The following AGBL4 variants were observed in gnomAD, a reference collection of about 807,000 sequenced individuals.
AGBL4 encodes cytosolic carboxypeptidase 6.
Under a neutral mutation model 66.4 loss-of-function variants are expected in AGBL4, and 58 were observed. The observed-to-expected ratio is 0.87, with a 90% CI of 0.71 to 1.09. The LOEUF (loss-of-function observed/expected upper bound fraction) is 1.09. Among genes scored for constraint, AGBL4 ranks in the 50% least tolerant of loss-of-function variants. The pLI, the probability that AGBL4 is intolerant of heterozygous loss-of-function variation, is 0.00. For missense variants in AGBL4, 579 were observed against 631.0 expected, an observed-to-expected ratio of 0.92 and a Z score of 0.88; for synonymous variants, 234 against 222.9, an observed-to-expected ratio of 1.05 and a Z score of -0.44.
At chr1:48,770,650 C>T (rs147441086) in intron 6 of AGBL4, among the ~76,000 whole-genome samples, 2 of 152,284 alleles carry the variant, frequency 1.3e-5, no homozygotes, top group Non-Finnish European at 2.9e-5. Flanking sequence ...GACATATCCA[C>T]CCAGATGTTC....
intron 3 of AGBL4, among the ~76,000 whole-genome samples, chr1:49,679,213 CT>C (rs1339561420): frequency 1.4e-4 from 21 of 152,222 alleles, no homozygotes; most frequent in South Asian, 6.2e-4. Context: ...TACTTTTCAG[CT>C]TTGTTGTTTG....
intron 3 of AGBL4, among the ~76,000 whole-genome samples, chr1:49,468,526 C>T (rs1476781051): frequency 1.3e-5 from 2 of 151,792 alleles, no homozygotes; most frequent in East Asian, 3.9e-4. Flanking sequence ...GATAATTTGC[C>T]TCATGTCAGT....
At chr1:49,350,462 C>A (rs1012179285) in intron 3 of AGBL4, among the ~76,000 whole-genome samples, 1 of 152,160 alleles carries the variant, frequency 6.6e-6, no homozygotes, top group Non-Finnish European at 1.5e-5. Flanking sequence ...CTCGGCCTCC[C>A]AAAGTGCTGG....
chr1:49,552,197 C>T (rs1653012146), intron 3 of AGBL4, among the ~76,000 whole-genome samples: 1 of 152,126 alleles, frequency 6.6e-6, no homozygotes, highest in Non-Finnish European at 1.5e-5. Context: ...AGTGGGTGAG[C>T]CAGGCTTGAG....
chr1:49,827,396 T>TA (rs879883522), intron 2 of AGBL4, among the ~76,000 whole-genome samples: 1 of 152,086 alleles, frequency 6.6e-6, no homozygotes, highest in Non-Finnish European at 1.5e-5. Context: ...TTTTTGAAAT[T>TA]AAAAAAAAGT....
chr1:48,715,778 A>G (rs534803401), intron 6 of AGBL4, among the ~76,000 whole-genome samples: 49 of 152,326 alleles, frequency 3.2e-4, no homozygotes, highest in African/African-American at 1.0e-3. Flanking sequence ...TGGCCACATG[A>G]CGAAATAAAT....
chr1:49,766,760 C>T (rs1652760654), intron 2 of AGBL4, among the ~76,000 whole-genome samples: 1 of 151,460 alleles, frequency 6.6e-6, no homozygotes, highest in Non-Finnish European at 1.5e-5. Context: ...AAATAGAAAA[C>T]ATAAAAGAAC....
chr1:49,875,869 T>G lies in AGBL4; in HGVS notation c.35-24351A>C, dbSNP rs1646987802. ...CCATTCTAACTGGTGTGAGATGATATCTCATTGCGGTTTTGATTTGCATTT... is the reference window on the plus strand; with the variant it reads ...CCATTCTAACTGGTGTGAGATGATAGCTCATTGCGGTTTTGATTTGCATTT... On this transcript the variant is annotated intron_variant, in intron 1 of 13. Transcript: ENST00000371839. 1.3e-5 allele frequency among the ~76,000 whole-genome samples: 2 copies of G among 149,730 alleles called. 1 individual carries two copies. The highest frequency in any genetic ancestry group is 6.8e-3 in the Middle Eastern group (2 of 292).
At position 49,731,268 on chromosome 1, in the gene AGBL4, G is replaced by A. The variant is rs144141822; in HGVS notation, c.158-33831C>T. Among the ~76,000 whole-genome samples the A allele has an allele frequency of 5.7e-3, 871 of 152,128 alleles. 5 individuals are homozygous for A. Among genetic ancestry groups the A allele is most frequent in the Non-Finnish European group, 8.7e-3 (590 of 68,000 alleles). ...CAACCCCAGTATGGCAAATAGTTCT[G>A]TATTATTAGCAGCCTAAGAATTACT... On this transcript the variant is annotated intron_variant, in intron 2 of 13. Coordinates refer to ENST00000371839, the MANE Select transcript of AGBL4 (RefSeq NM_032785.4).
At chr1:49,890,437 C>G (rs1165648546) in intron 1 of AGBL4, among the ~76,000 whole-genome samples, 1 of 151,984 alleles carries the variant, frequency 6.6e-6, no homozygotes, top group Middle Eastern at 3.2e-3. Flanking sequence ...AGACATTGTT[C>G]TACGCATTTG....
At chr1:48,576,806 A>C (rs1051942944) in intron 11 of AGBL4, among the ~76,000 whole-genome samples, 1 of 152,210 alleles carries the variant, frequency 6.6e-6, no homozygotes, top group African/African-American at 2.4e-5. Flanking sequence ...TGCAGCCAAA[A>C]TCAGCTTCAA....
intron 3 of AGBL4, among the ~76,000 whole-genome samples, chr1:49,672,921 CAAAAAAAA>C (rs60612868): frequency 6.4e-5 from 3 of 47,058 alleles, no homozygotes; most frequent in African/African-American, 1.9e-4. Flanking sequence ...AACTCCATCT[CAAAAAAAA>C]AAAAAAAAAA....
chr1:48,983,069 T>A (rs1659907991), intron 5 of AGBL4, among the ~76,000 whole-genome samples: 1 of 152,286 alleles, frequency 6.6e-6, no homozygotes, highest in African/African-American at 2.4e-5. Flanking sequence ...TATGATCAGT[T>A]GTACAGATGT....
intron 8 of AGBL4, among the ~76,000 whole-genome samples, chr1:48,648,556 C>T (rs1645876276): frequency 6.6e-6 from 1 of 152,160 alleles, no homozygotes; most frequent in Admixed American, 6.5e-5. Flanking sequence ...ACCCTCAGTT[C>T]TCCACTTCTG....
At chr1:48,943,420 G>A (rs2148918067) in intron 5 of AGBL4, among the ~76,000 whole-genome samples, 2 of 152,290 alleles carry the variant, frequency 1.3e-5, no homozygotes, top group Admixed American at 1.3e-4. Flanking sequence ...ACATACAAAG[G>A]TTGAGATCTT....
chr1:48,610,244 G>C (rs1645216229), intron 9 of AGBL4, among the ~76,000 whole-genome samples: 1 of 152,224 alleles, frequency 6.6e-6, no homozygotes, highest in Admixed American at 6.5e-5. Flanking sequence ...TGAGCTGCCT[G>C]AGGATGGAAG....
At chr1:49,564,942 A>G (rs1488265521) in intron 3 of AGBL4, among the ~76,000 whole-genome samples, 1 of 152,146 alleles carries the variant, frequency 6.6e-6, no homozygotes, top group African/African-American at 2.4e-5. Context: ...GTGGGAGTCT[A>G]AGTCTCTTTG....
At chr1:48,768,247 A>G (rs1644629820) in intron 6 of AGBL4, among the ~76,000 whole-genome samples, 1 of 152,182 alleles carries the variant, frequency 6.6e-6, no homozygotes, top group Non-Finnish European at 1.5e-5. Flanking sequence ...ACACCCTAAG[A>G]GAATACTGTG....
intron 9 of AGBL4, among the ~76,000 whole-genome samples, chr1:48,604,056 C>T (rs1645116367): frequency 6.6e-6 from 1 of 152,052 alleles, no homozygotes; most frequent in Non-Finnish European, 1.5e-5. Flanking sequence ...TTGCTTGAAC[C>T]CAGGAGACGG....
Sources: allele counts gnomAD v4.1 joint callset (sites outside exome capture counted in the v4.1 genomes callset), GRCh38; gene constraint gnomAD v4.1.1; transcripts MANE v1.5; gene names NCBI Gene and HGNC (gene_info 2026-07-23, HGNC 2026-07-21).